The following RBFOX1 variants were observed in gnomAD, a reference collection of about 807,000 sequenced individuals.
RBFOX1 encodes the protein RNA binding protein fox-1 homolog 1.
In RBFOX1, 8 loss-of-function variants were observed where a neutral mutation model predicts 57.7. The observed-to-expected ratio is 0.14, with a 90% CI of 0.08 to 0.25. RBFOX1 has a LOEUF of 0.25. Ranked by LOEUF, RBFOX1 falls within the 10% of genes least tolerant of loss-of-function variation. The probability of loss-of-function intolerance (pLI) is 1.00; values close to 1 mark genes in which losing one functional copy is unlikely to be tolerated. For synonymous variants in RBFOX1, 326 were observed against 222.4 expected (o/e 1.47, Z -4.15); for missense variants, 611 against 548.5 (o/e 1.11, Z -1.14).
chr16:5,468,377 A>C (rs599600), intron 2 of RBFOX1, among the ~76,000 whole-genome samples: 23,679 of 151,906 alleles, frequency 0.16, 3,710 homozygotes, highest in African/African-American at 0.41. Flanking sequence ...CCCCTGACAG[A>C]CACCAGTCTG....
intron 3 of RBFOX1, among the ~76,000 whole-genome samples, chr16:6,717,091 A>G (rs910054054): frequency 3.3e-5 from 5 of 152,162 alleles, no homozygotes; most frequent in African/African-American, 1.2e-4. Flanking sequence ...CCACACACCA[A>G]TCTGTCAGTG....
At chr16:6,000,386 G>C (rs1221412991) in intron 4 of RBFOX1, among the ~76,000 whole-genome samples, 2 of 152,198 alleles carry the variant, frequency 1.3e-5, no homozygotes, top group African/African-American at 4.8e-5. Flanking sequence ...GTTATGTTAA[G>C]ATAGGAGGCA....
intron 1 of RBFOX1, among the ~76,000 whole-genome samples, chr16:6,292,615 C>G (rs1169887647): frequency 6.6e-6 from 1 of 152,080 alleles, no homozygotes; most frequent in African/African-American, 2.4e-5. Context: ...CTCATGGAGT[C>G]AATTTGTTTT....
intron 3 of RBFOX1, among the ~76,000 whole-genome samples, chr16:5,678,577 A>C (rs1010682739): frequency 6.6e-6 from 1 of 152,136 alleles, no homozygotes; most frequent in African/African-American, 2.4e-5. Context: ...CTGGATGGTT[A>C]CGTGGTTAAT....
intron 2 of RBFOX1, among the ~76,000 whole-genome samples, chr16:6,577,887 C>T (rs966426156): frequency 1.6e-4 from 25 of 152,238 alleles, no homozygotes; most frequent in African/African-American, 4.3e-4. Flanking sequence ...ATTAAACAAA[C>T]GAGGCAATCA....
At chr16:5,615,783 A>T (rs1015099093) in intron 3 of RBFOX1, among the ~76,000 whole-genome samples, 2 of 152,216 alleles carry the variant, frequency 1.3e-5, no homozygotes, top group Non-Finnish European at 2.9e-5. Context: ...ATGAGTGCCT[A>T]TCTGGGTTTC....
At chr16:7,585,819 T>C (rs1378443467) in intron 6 of RBFOX1, among the ~76,000 whole-genome samples, 2 of 152,198 alleles carry the variant, frequency 1.3e-5, no homozygotes, top group Non-Finnish European at 2.9e-5. Flanking sequence ...ACATTCACTC[T>C]CTGTGTCTCT....
chr16:5,928,372 C>G (rs2058978016), intron 4 of RBFOX1, among the ~76,000 whole-genome samples: 1 of 150,918 alleles, frequency 6.6e-6, no homozygotes, highest in Non-Finnish European at 1.5e-5. Context: ...CAGGAGCCAC[C>G]ACACCCAGTC....
At chr16:7,055,635 C>T (rs1468366366) in intron 4 of RBFOX1, among the ~76,000 whole-genome samples, 8 of 152,158 alleles carry the variant, frequency 5.3e-5, no homozygotes, top group African/African-American at 1.4e-4. Context: ...TGTCATTGGC[C>T]AATCTCTACA....
intron 3 of RBFOX1, among the ~76,000 whole-genome samples, chr16:7,023,749 C>T (rs903738393): frequency 6.6e-6 from 1 of 152,040 alleles, no homozygotes; most frequent in African/African-American, 2.4e-5. Context: ...ACTTATCAAT[C>T]CCTGTGTTCT....
chr16:7,678,664 C>T (rs747766489), intron 14 of RBFOX1, among the ~76,000 whole-genome samples: 2 of 152,124 alleles, frequency 1.3e-5, no homozygotes, highest in African/African-American at 4.8e-5. Flanking sequence ...TGGACTCCTT[C>T]AATAAGACTG....
chr16:5,710,869 A>C (rs748432318), intron 3 of RBFOX1, among the ~76,000 whole-genome samples: 5 of 152,234 alleles, frequency 3.3e-5, no homozygotes, highest in Non-Finnish European at 7.3e-5. Flanking sequence ...GGAGCCAGAA[A>C]GGGATGACGG....
intron 4 of RBFOX1, among the ~76,000 whole-genome samples, chr16:7,098,955 C>T (rs1437228998): frequency 1.3e-5 from 2 of 152,070 alleles, no homozygotes; most frequent in East Asian, 3.9e-4. Context: ...TGATATTGAG[C>T]TGGTTGCTTA....
At chr16:5,807,591 A>C (rs908823345) in intron 3 of RBFOX1, among the ~76,000 whole-genome samples, 2 of 152,216 alleles carry the variant, frequency 1.3e-5, no homozygotes, top group Non-Finnish European at 2.9e-5. Flanking sequence ...AGGTAACCAC[A>C]CAAGTGTATA....
At chr16:7,362,935 G>T (rs1297807805) in intron 4 of RBFOX1, among the ~76,000 whole-genome samples, 3 of 152,100 alleles carry the variant, frequency 2.0e-5, no homozygotes, top group South Asian at 2.1e-4. Context: ...ACTAGTGTGT[G>T]ACCTTGGACA....
At chr16:5,491,704 C>A (rs1304057369) in intron 2 of RBFOX1, among the ~76,000 whole-genome samples, 1 of 152,148 alleles carries the variant, frequency 6.6e-6, no homozygotes, top group Non-Finnish European at 1.5e-5. Flanking sequence ...CATTGGATAC[C>A]CCAGAATGTT....
At chr16:6,696,386 T>C (rs1186470705) in intron 3 of RBFOX1, among the ~76,000 whole-genome samples, 1 of 152,218 alleles carries the variant, frequency 6.6e-6, no homozygotes, top group Non-Finnish European at 1.5e-5. Flanking sequence ...TCTTGTTTTA[T>C]ATTGAAACCT....
chr16:6,175,290 C>T (rs927795989), intron 1 of RBFOX1, among the ~76,000 whole-genome samples: 3 of 152,160 alleles, frequency 2.0e-5, no homozygotes, highest in Non-Finnish European at 4.4e-5. Context: ...TCCCTAGGAA[C>T]ACATTGTCCA....
intron 4 of RBFOX1, among the ~76,000 whole-genome samples, chr16:7,458,671 A>G (rs1444497261): frequency 6.6e-6 from 1 of 152,012 alleles, no homozygotes; most frequent in Non-Finnish European, 1.5e-5. Context: ...TTTGTCTAGA[A>G]TGCAATTTTT....
Sources: allele counts gnomAD v4.1 joint callset (sites outside exome capture counted in the v4.1 genomes callset), GRCh38; gene constraint gnomAD v4.1.1; transcripts MANE v1.5; gene names NCBI Gene and HGNC (gene_info 2026-07-23, HGNC 2026-07-21).